The following ELMO1 variants were observed in gnomAD, a reference collection of about 807,000 sequenced individuals.
ELMO1 encodes the protein engulfment and cell motility protein 1.
ELMO1 carries 26 observed loss-of-function variants against 98.9 expected under a neutral mutation model. The observed-to-expected ratio is 0.26, with a 90% CI of 0.19 to 0.36. The LOEUF (loss-of-function observed/expected upper bound fraction) is 0.36, where lower values mean the gene tolerates loss of function less well. Among genes scored for constraint, ELMO1 ranks in the 10% least tolerant of loss-of-function variants. ELMO1 has a pLI of 1.00. For synonymous variants in ELMO1, 346 were observed against 346.0 expected (o/e 1.00, Z 0.00); for missense variants, 627 against 935.2 (o/e 0.67, Z 4.30).
intron 15 of ELMO1, among the ~76,000 whole-genome samples, chr7:37,067,788 A>T (rs901936101): frequency 1.3e-5 from 2 of 150,602 alleles, no homozygotes; most frequent in East Asian, 1.9e-4. Context: ...ATAAAGGTTT[A>T]AAAAAAAAGC....
Position 36,855,662 on chromosome 7 carries a change from G to T in ELMO1, c.2073C>A (p.Ser691Arg). The T allele has an allele frequency of 6.2e-7, 1 of 1,614,158 alleles. No homozygotes were observed. The highest frequency in any genetic ancestry group is 8.5e-7 in the Non-Finnish European group (1 of 1,179,998). The change falls in exon 22 of 22, where the codon AGC becomes AGA. Residue 691 changes from serine (S) to arginine (R), a missense_variant. Coordinates refer to ENST00000310758, the MANE Select transcript of ELMO1 (RefSeq NM_014800.11). The surrounding 1 kb of genome is among the most constrained non-coding windows in gnomAD (Gnocchi z 4.2). ...LTRNDLDTLL[S>R]MEIKLRLLDL... ...CCAGGAGGCGGAGCTTGATTTCCAT[G>T]CTGAGCAGGGTGTCCAGGTCATTCC... is the stretch of plus-strand genomic sequence containing the variant.
chr7:37,121,915 C>T (rs1265785188), intron 14 of ELMO1, among the ~76,000 whole-genome samples: 1 of 152,160 alleles, frequency 6.6e-6, no homozygotes, highest in East Asian at 1.9e-4. Flanking sequence ...AAGGGAAGCC[C>T]ATCAGACTAA....
At chr7:36,976,197 G>A (rs1790531716) in intron 16 of ELMO1, among the ~76,000 whole-genome samples, 1 of 152,144 alleles carries the variant, frequency 6.6e-6, no homozygotes, top group Non-Finnish European at 1.5e-5. Context: ...TGGCCCACAG[G>A]CCATCATCCA....
intron 16 of ELMO1, among the ~76,000 whole-genome samples, chr7:36,941,220 C>T (rs1040607095): frequency 6.6e-6 from 1 of 152,214 alleles, no homozygotes; most frequent in African/African-American, 2.4e-5. Context: ...ATCACCTTCA[C>T]TTACTATAAG....
chr7:36,928,879 G>A (rs2129082051), intron 16 of ELMO1, among the ~76,000 whole-genome samples: 1 of 152,342 alleles, frequency 6.6e-6, no homozygotes, highest in South Asian at 2.1e-4. Context: ...GACACACAAA[G>A]AGCTGCACAG....
At chr7:37,288,560 C>A (rs188121759) in intron 4 of ELMO1, among the ~76,000 whole-genome samples, 1 of 152,166 alleles carries the variant, frequency 6.6e-6, no homozygotes, top group Non-Finnish European at 1.5e-5. Flanking sequence ...TTCCCTGATA[C>A]CTTAAAGCAA....
chr7:37,165,804 T>C (rs1270184567), intron 13 of ELMO1, among the ~76,000 whole-genome samples: 2 of 152,216 alleles, frequency 1.3e-5, no homozygotes, highest in African/African-American at 4.8e-5. Context: ...TTCTCTTTTT[T>C]GGTTCTGTCT....
chr7:36,885,714 C>T (rs1273610607), intron 18 of ELMO1, among the ~76,000 whole-genome samples: 1 of 152,184 alleles, frequency 6.6e-6, no homozygotes, highest in Non-Finnish European at 1.5e-5. Flanking sequence ...TCCTGTCCTC[C>T]CACTTTACAG....
At chr7:37,265,059 C>T (rs948710991) in intron 5 of ELMO1, among the ~76,000 whole-genome samples, 11 of 152,090 alleles carry the variant, frequency 7.2e-5, no homozygotes, top group African/African-American at 2.4e-4. Context: ...TCCTTAAACC[C>T]CCTCTATGCC....
chr7:37,400,089 TG>T (rs2131454821), intron 1 of ELMO1, among the ~76,000 whole-genome samples: 1 of 152,372 alleles, frequency 6.6e-6, no homozygotes, highest in South Asian at 2.1e-4. Flanking sequence ...AAGTTTGATG[TG>T]TCACTGTCTT....
chr7:37,117,822 C>A (rs1400203666), intron 14 of ELMO1, among the ~76,000 whole-genome samples: 1 of 152,118 alleles, frequency 6.6e-6, no homozygotes, highest in Non-Finnish European at 1.5e-5. Context: ...CAAGGCTGTG[C>A]CTTTGGGGTC....
At chr7:37,099,077 C>A (rs180949947) in intron 14 of ELMO1, among the ~76,000 whole-genome samples, 173 of 152,292 alleles carry the variant, frequency 1.1e-3, no homozygotes, top group African/African-American at 4.0e-3. Flanking sequence ...TTAGCAGGCA[C>A]TAAATTAAGT....
intron 1 of ELMO1, among the ~76,000 whole-genome samples, chr7:37,432,216 G>A (rs1440918588): frequency 6.6e-6 from 1 of 152,172 alleles, no homozygotes; most frequent in Non-Finnish European, 1.5e-5. Context: ...CCACCTCACA[G>A]TGGACCCAGT....
intron 16 of ELMO1, among the ~76,000 whole-genome samples, chr7:36,996,059 A>G (rs947821154): frequency 6.6e-6 from 1 of 152,250 alleles, no homozygotes; most frequent in African/African-American, 2.4e-5. Flanking sequence ...TTCCAGCATG[A>G]AAAATCAATT....
At chr7:37,191,005 C>A (rs895809431) in intron 13 of ELMO1, among the ~76,000 whole-genome samples, 10 of 151,014 alleles carry the variant, frequency 6.6e-5, no homozygotes, top group Non-Finnish European at 1.3e-4. Context: ...CCGGCTAACA[C>A]GGTGAAACCC....
rs575127881 is a variant in ELMO1 at position 36,920,453 on chromosome 7, C to T, written c.1438-25436G>A. ...TATTAAAAACAACTGCCACAATGTC[C>T]AAAACTAGATGGTTCTTTAAAGTTA... On this transcript the variant is annotated intron_variant, in intron 16 of 21. Transcript: ENST00000310758. 2.4e-4 allele frequency among the ~76,000 whole-genome samples: 36 copies of T among 152,194 alleles called. 1 individual carries two copies. In the South Asian group the frequency reaches 7.5e-3, roughly 32 times the overall value.
In ELMO1 at chr7:36,887,569, G is replaced by A. The variant is rs1712842675; in HGVS notation, c.1705C>T (p.Arg569Trp). The change falls in exon 18 of 22, where the codon CGG becomes TGG. Residue 569 changes from arginine (R) to tryptophan (W), a missense_variant. Transcript: ENST00000310758. ...TCCCCAGAAACAATACCTTGCCTCC[G>A]CCGGGCATTGAGTTTCCTAAAGCAG... is the stretch of plus-strand genomic sequence containing the variant. The part of the protein sequence containing the change: ...GTCFRKLNAR[R>W]RQDKFWYCRL... 2 of 1,613,972 alleles carry A rather than the reference G, an allele frequency of 1.2e-6. No homozygotes were observed. The highest frequency in any genetic ancestry group is 1.7e-6 in the Non-Finnish European group (2 of 1,179,900).
intron 15 of ELMO1, among the ~76,000 whole-genome samples, chr7:37,061,406 C>T (rs143323593): frequency 0.014 from 2,155 of 152,296 alleles, 19 homozygotes; most frequent in Middle Eastern, 0.044. Flanking sequence ...AAGAATACAG[C>T]AGGCCTAACG....
At chr7:36,970,927 C>T (rs975012438) in intron 16 of ELMO1, among the ~76,000 whole-genome samples, 1 of 152,176 alleles carries the variant, frequency 6.6e-6, no homozygotes, top group African/African-American at 2.4e-5. Flanking sequence ...AGGCCAGGAG[C>T]CTTGCCATTC....
Sources: allele counts gnomAD v4.1 joint callset (sites outside exome capture counted in the v4.1 genomes callset), GRCh38; gene constraint gnomAD v4.1.1; non-coding constraint Gnocchi (gnomAD v3.1); transcripts MANE v1.5; gene names NCBI Gene and HGNC (gene_info 2026-07-23, HGNC 2026-07-21).